The following MAPK4 variants were observed in gnomAD, a reference collection of about 807,000 sequenced individuals.
MAPK4 encodes the protein Erk3-related.
In MAPK4, 22 loss-of-function variants were observed where a neutral mutation model predicts 47.7. The observed-to-expected ratio is 0.46, with a 90% CI of 0.33 to 0.66. MAPK4 has a LOEUF of 0.66. Among genes scored for constraint, MAPK4 ranks in the 30% least tolerant of loss-of-function variants. The pLI, the probability that MAPK4 is intolerant of heterozygous loss-of-function variation, is 0.02. For missense variants in MAPK4, 736 were observed against 831.7 expected, an observed-to-expected ratio of 0.88 and a Z score of 1.42; for synonymous variants, 390 against 365.7, an observed-to-expected ratio of 1.07 and a Z score of -0.76.
chr18:50,575,792 CAAAAA>C (rs540138636), intron 1 of MAPK4, among the ~76,000 whole-genome samples: 184 of 70,162 alleles, frequency 2.6e-3, no homozygotes, highest in African/African-American at 7.1e-3. Context: ...AATCAACAAG[CAAAAA>C]AAAAAAAAAA....
chr18:50,685,629 T>C (rs971444465), intron 2 of MAPK4, among the ~76,000 whole-genome samples: 1 of 152,184 alleles, frequency 6.6e-6, no homozygotes, highest in Non-Finnish European at 1.5e-5. Flanking sequence ...GCATCTTCCC[T>C]TGCCACCCAT....
At chr18:50,654,062 G>A (rs1180748999) in intron 1 of MAPK4, among the ~76,000 whole-genome samples, 2 of 152,218 alleles carry the variant, frequency 1.3e-5, no homozygotes, top group South Asian at 2.1e-4. Flanking sequence ...GGCACAAAAT[G>A]GAGTGAAGTA....
intron 1 of MAPK4, among the ~76,000 whole-genome samples, chr18:50,659,500 C>T (rs1259133560): frequency 6.6e-6 from 1 of 152,170 alleles, no homozygotes; most frequent in Admixed American, 6.5e-5. Context: ...GATTTGTAAA[C>T]CAAAGCCCCA....
At chr18:50,590,340 A>T (rs199697118) in intron 1 of MAPK4, among the ~76,000 whole-genome samples, 1 of 152,208 alleles carries the variant, frequency 6.6e-6, no homozygotes, top group East Asian at 1.9e-4. Context: ...CTACCTAGGA[A>T]ATATGTTTTT....
chr18:50,718,792 G>C (rs1201149009), intron 3 of MAPK4, among the ~76,000 whole-genome samples: 1 of 151,866 alleles, frequency 6.6e-6, no homozygotes, highest in Non-Finnish European at 1.5e-5. Context: ...ACAAGAAAAG[G>C]TAAAATAGGT....
chr18:50,652,441 G>T (rs2043060560), intron 1 of MAPK4, among the ~76,000 whole-genome samples: 1 of 152,144 alleles, frequency 6.6e-6, no homozygotes, highest in Non-Finnish European at 1.5e-5. Context: ...GGCAGGCTGG[G>T]CTGGGTGGAA....
Position 50,729,890 on chromosome 18 carries a change from A to T in MAPK4, c.*36A>T. On this transcript the variant is annotated 3_prime_UTR_variant, in exon 6 of 6. Coordinates refer to ENST00000400384, the MANE Select transcript of MAPK4 (RefSeq NM_002747.4). ...GCCGCTCCAGGCCCCACAGAGCAGG[A>T]GACCCCCAGAGAAAGCCGGGGCTGG... 6.6e-7 allele frequency: 1 copy of T among 1,504,124 alleles called. No individual in the cohort carries two copies. Among genetic ancestry groups the T allele is most frequent in the Non-Finnish European group, 8.9e-7 (1 of 1,119,792 alleles). The allele number at this position is 1,504,124 out of a possible 1,614,324, so 93.2% of individuals were successfully genotyped here. A position where few individuals can be genotyped will look rare whatever the true frequency, so the allele number is the denominator to read the frequency against.
chr18:50,666,032 A>G (rs1907583399), intron 2 of MAPK4, among the ~76,000 whole-genome samples: 2 of 152,174 alleles, frequency 1.3e-5, no homozygotes, highest in Admixed American at 6.5e-5. Flanking sequence ...GAAAATCCAC[A>G]AGACTCTTAT....
At chr18:50,626,768 C>T (rs1350712013) in intron 1 of MAPK4, among the ~76,000 whole-genome samples, 1 of 152,150 alleles carries the variant, frequency 6.6e-6, no homozygotes, top group Non-Finnish European at 1.5e-5. Context: ...CACAGCTTGT[C>T]CCACACCCAA....
intron 1 of MAPK4, among the ~76,000 whole-genome samples, chr18:50,628,450 T>A (rs1199144237): frequency 6.6e-6 from 1 of 152,226 alleles, no homozygotes; most frequent in African/African-American, 2.4e-5. Context: ...TAGAATCAAA[T>A]GTTGGCCTTT....
At chr18:50,712,526 G>T (rs1410612956) in intron 2 of MAPK4, among the ~76,000 whole-genome samples, 2 of 140,460 alleles carry the variant, frequency 1.4e-5, no homozygotes, top group Non-Finnish European at 3.0e-5. Context: ...TAAAAATTCA[G>T]CAGGCTCTTG....
intron 1 of MAPK4, among the ~76,000 whole-genome samples, chr18:50,586,948 G>T (rs2042394418): frequency 1.3e-5 from 2 of 152,040 alleles, no homozygotes; most frequent in African/African-American, 4.8e-5. Flanking sequence ...TTTTTTAGAG[G>T]GATGAATTTT....
chr18:50,724,620 CAG>C (rs1911097607), intron 4 of MAPK4, among the ~76,000 whole-genome samples: 1 of 152,232 alleles, frequency 6.6e-6, no homozygotes, highest in Non-Finnish European at 1.5e-5. Flanking sequence ...TGGGGGTGAT[CAG>C]AGTTACTGCT....
rs1014870214 is a variant in MAPK4 at position 50,725,966 on chromosome 18, C to T, written c.858C>T (p.Ile286=). Reference sequence around the variant, plus strand: ...GTCCGGCTTTGCTCCCTGCAGCCATCGACTTTCTGGAGAAGATCCTGACCT... The same window carrying T: ...GTCCGGCTTTGCTCCCTGCAGCCATTGACTTTCTGGAGAAGATCCTGACCT... ...KLLPEVNSEA[I]DFLEKILTFN... The change falls in exon 5 of 6, where the codon ATC becomes ATT. Residue 286 remains isoleucine (I), a synonymous_variant. Coordinates refer to ENST00000400384, the MANE Select transcript of MAPK4 (RefSeq NM_002747.4). The T allele has an allele frequency of 6.8e-6, 11 of 1,613,928 alleles. No individual in the cohort carries two copies. Among genetic ancestry groups the T allele is most frequent in the Middle Eastern group, 1.6e-4 (1 of 6,084 alleles).
At chr18:50,645,234 C>G (rs115879230) in intron 1 of MAPK4, among the ~76,000 whole-genome samples, 1 of 152,038 alleles carries the variant, frequency 6.6e-6, no homozygotes. Flanking sequence ...AATGCCAATG[C>G]GCCATCCATA....
At chr18:50,560,422 G>T (rs564945404) in intron 1 of MAPK4, among the ~76,000 whole-genome samples, 179 bp downstream of exon 1, 54 of 152,070 alleles carry the variant, frequency 3.6e-4, no homozygotes, top group African/African-American at 1.3e-3. Flanking sequence ...TCCGAGCGGC[G>T]GGGGTCTCCC....
intron 1 of MAPK4, among the ~76,000 whole-genome samples, chr18:50,609,603 T>C (rs2042614881): frequency 6.6e-6 from 1 of 152,204 alleles, no homozygotes. Flanking sequence ...TGTCAGGTAC[T>C]GTTCTTCTAC....
chr18:50,598,136 C>T (rs2042501395), intron 1 of MAPK4, among the ~76,000 whole-genome samples: 1 of 152,232 alleles, frequency 6.6e-6, no homozygotes, highest in Admixed American at 6.5e-5. Flanking sequence ...CAGCTAAAAC[C>T]TCCAAGATAT....
At chr18:50,681,567 C>T (rs1908588148) in intron 2 of MAPK4, among the ~76,000 whole-genome samples, 1 of 152,074 alleles carries the variant, frequency 6.6e-6, no homozygotes, top group Admixed American at 6.5e-5. Context: ...CAGTTTAGGT[C>T]TTTGATCCAT....
Sources: allele counts gnomAD v4.1 joint callset (sites outside exome capture counted in the v4.1 genomes callset), GRCh38; gene constraint gnomAD v4.1.1; transcripts MANE v1.5; gene names NCBI Gene and HGNC (gene_info 2026-07-23, HGNC 2026-07-21).